LPP: variants seen among roughly 807,000 people sequenced by gnomAD.
LPP encodes the protein lipoma-preferred partner.
In LPP, 38 loss-of-function variants were observed where a neutral mutation model predicts 60.4. That is an observed-to-expected ratio of 0.63 (90% CI 0.49 to 0.83). LPP has a LOEUF of 0.83. LPP is among the 40% of genes least tolerant of loss of function. The probability of loss-of-function intolerance (pLI) is 0.00; values close to 1 mark genes in which losing one functional copy is unlikely to be tolerated. For synonymous variants in LPP, 328 were observed against 290.8 expected, an observed-to-expected ratio of 1.13 and a Z score of -1.30; for missense variants, 902 against 783.6, an observed-to-expected ratio of 1.15 and a Z score of -1.80.
At chr3:188,491,249 T>G (rs946606450) in intron 5 of LPP, among the ~76,000 whole-genome samples, 6 of 152,192 alleles carry the variant, frequency 3.9e-5, no homozygotes, top group African/African-American at 1.4e-4. Flanking sequence ...AAAGTCTGTC[T>G]TTCTGCTGCC....
chr3:188,476,066 C>T (rs1247693749), intron 4 of LPP, among the ~76,000 whole-genome samples: 2 of 152,110 alleles, frequency 1.3e-5, no homozygotes, highest in Non-Finnish European at 2.9e-5. Context: ...CTCCCACCAC[C>T]ACCCTAACAG....
intron 1 of LPP, among the ~76,000 whole-genome samples, chr3:188,186,864 T>G (rs1726757363): frequency 6.6e-6 from 1 of 152,208 alleles, no homozygotes; most frequent in African/African-American, 2.4e-5. Context: ...AAGGACTATT[T>G]ATTTATATCC....
intron 6 of LPP, among the ~76,000 whole-genome samples, chr3:188,577,125 A>C (rs1219709049): frequency 3.9e-5 from 6 of 152,184 alleles, no homozygotes; most frequent in African/African-American, 1.4e-4. Flanking sequence ...AAGATCACTG[A>C]GCTCTCAAAC....
Position 188,182,547 on chromosome 3 carries a change from TGATA to T in LPP, c.-190+28302_-190+28305del, listed in dbSNP as rs973386188. ...CATTGTTTTTGGCTGGGAGTGGTTG[TGATA>T]GATAGAGGAGGGAGCAAATATTTAA... On this transcript the variant is annotated intron_variant, in intron 1 of 11. Coordinates refer to ENST00000617246, the MANE Select transcript of LPP (RefSeq NM_001375462.1). The surrounding 1 kb of genome is among the most constrained non-coding windows in gnomAD (Gnocchi z 4.4). Among the ~76,000 whole-genome samples the T allele has an allele frequency of 3.3e-5, 5 of 152,040 alleles. No individual in the cohort carries two copies. Among genetic ancestry groups the T allele is most frequent in the African/African-American group, 1.2e-4 (5 of 41,406 alleles).
chr3:188,726,742 T>C (rs1185570279), intron 8 of LPP, among the ~76,000 whole-genome samples: 1 of 152,152 alleles, frequency 6.6e-6, no homozygotes, highest in African/African-American at 2.4e-5. Context: ...TGAATTATTA[T>C]TTCTCGTAAA....
At chr3:188,519,032 C>T (rs1218764538) in intron 5 of LPP, among the ~76,000 whole-genome samples, 1 of 152,080 alleles carries the variant, frequency 6.6e-6, no homozygotes, top group Non-Finnish European at 1.5e-5. Flanking sequence ...TCATTAAGGC[C>T]ATAGTTAGTT....
rs185123461 is a variant in LPP at position 188,864,022 on chromosome 3, C to T, written c.1411-2178C>T. Among the ~76,000 whole-genome samples the T allele has an allele frequency of 2.7e-5, 4 of 148,152 alleles. No homozygotes were observed. In the East Asian group the frequency reaches 7.7e-4, roughly 29 times the overall value. On this transcript the variant is annotated intron_variant, in intron 9 of 11. Coordinates refer to ENST00000617246, the MANE Select transcript of LPP (RefSeq NM_001375462.1). ...ACACAAGTCCTGGGAAGACAATTTCCAGCCACATTAGCTCACATTGTCAGG... is the reference window on the plus strand; with the variant it reads ...ACACAAGTCCTGGGAAGACAATTTCTAGCCACATTAGCTCACATTGTCAGG...
intron 2 of LPP, among the ~76,000 whole-genome samples, chr3:188,261,163 T>C (rs563375268): frequency 6.6e-6 from 1 of 152,304 alleles, no homozygotes; most frequent in East Asian, 1.9e-4. Context: ...GATTGTTTGT[T>C]TTTGAGACAG....
At position 188,431,742 on chromosome 3, in the gene LPP, A is replaced by G. The variant is rs2149157287; in HGVS notation, c.193+25429A>G. On this transcript the variant is annotated intron_variant, in intron 4 of 11. Transcript: ENST00000617246. ...CACAATTGTAAAACAATGTGATTGA[A>G]CAATATTGTTTCTTCACTTCCTTCC... Among the ~76,000 whole-genome samples, 3 of 152,288 alleles carry G rather than the reference A, an allele frequency of 2.0e-5. No individual in the cohort carries two copies. The South Asian group carries it at 6.2e-4, about 32-fold the overall frequency.
chr3:188,722,039 T>C (rs1275927866), intron 8 of LPP, among the ~76,000 whole-genome samples: 18 of 152,196 alleles, frequency 1.2e-4, no homozygotes, highest in Admixed American at 1.1e-3. Context: ...TCAGTGCTGC[T>C]TGCCTCAGAG....
intron 9 of LPP, among the ~76,000 whole-genome samples, chr3:188,792,555 T>C (rs942280173): frequency 7.2e-5 from 11 of 152,210 alleles, no homozygotes; most frequent in Non-Finnish European, 1.5e-4. Flanking sequence ...GACCAGCTTC[T>C]CTGATGCAGT....
At chr3:188,644,540 T>A (rs1225735387) in intron 7 of LPP, among the ~76,000 whole-genome samples, 1 of 152,138 alleles carries the variant, frequency 6.6e-6, no homozygotes, top group Non-Finnish European at 1.5e-5. Context: ...AAAAGTATAT[T>A]TTCAATATTG....
chr3:188,592,700 C>G (rs1839162967), intron 6 of LPP, among the ~76,000 whole-genome samples: 1 of 151,646 alleles, frequency 6.6e-6, no homozygotes, highest in South Asian at 2.1e-4. Flanking sequence ...CACCACCACG[C>G]CTGGCTAATT....
intron 6 of LPP, among the ~76,000 whole-genome samples, chr3:188,581,226 G>A (rs1580143421): frequency 6.6e-6 from 1 of 152,100 alleles, no homozygotes; most frequent in African/African-American, 2.4e-5. Context: ...AAAGGTTCAA[G>A]CAGAACCATG....
chr3:188,657,039 T>C (rs1485922058), intron 7 of LPP, among the ~76,000 whole-genome samples: 1 of 152,082 alleles, frequency 6.6e-6, no homozygotes, highest in East Asian at 1.9e-4. Context: ...TGATCCCTAC[T>C]TTCTCACAGG....
At chr3:188,753,010 A>G (rs1470279819) in intron 8 of LPP, among the ~76,000 whole-genome samples, 1 of 152,172 alleles carries the variant, frequency 6.6e-6, no homozygotes, top group Non-Finnish European at 1.5e-5. Flanking sequence ...TGCAGGTGTT[A>G]ATGGGTTCTG....
intron 9 of LPP, among the ~76,000 whole-genome samples, chr3:188,794,562 C>T (rs549668450): frequency 9.9e-5 from 15 of 152,068 alleles, no homozygotes; most frequent in Admixed American, 3.3e-4. Context: ...AACCCATTTC[C>T]TTGTGTTAGA....
chr3:188,731,204 C>T (rs941664055), intron 8 of LPP, among the ~76,000 whole-genome samples: 3 of 152,298 alleles, frequency 2.0e-5, no homozygotes, highest in African/African-American at 4.8e-5. Flanking sequence ...GTCCTGGGAA[C>T]ATGCATGGCG....
intron 8 of LPP, among the ~76,000 whole-genome samples, chr3:188,716,934 A>G (rs1319944852): frequency 6.6e-6 from 1 of 152,222 alleles, no homozygotes; most frequent in East Asian, 1.9e-4. Flanking sequence ...TATCATTATT[A>G]TTATTACATG....
Sources: allele counts gnomAD v4.1 joint callset (sites outside exome capture counted in the v4.1 genomes callset), GRCh38; gene constraint gnomAD v4.1.1; non-coding constraint Gnocchi (gnomAD v3.1); transcripts MANE v1.5; gene names NCBI Gene and HGNC (gene_info 2026-07-23, HGNC 2026-07-21).